GRIP2: variants seen among roughly 807,000 people sequenced by gnomAD.
GRIP2 encodes glutamate receptor interacting protein 2.
A neutral mutation model predicts 108.3 loss-of-function variants in GRIP2; 58 were observed. The ratio of observed to expected loss-of-function variants is 0.54; its 90% CI spans 0.43 to 0.67. The LOEUF is 0.67. GRIP2 is among the 30% of genes least tolerant of loss of function. The pLI is 0.00. For missense variants in GRIP2, 1,278 were observed against 1,430.6 expected (o/e 0.89, Z 1.72); for synonymous variants, 586 against 598.2 (o/e 0.98, Z 0.30).
chr3:14,600,372 C>T, the GRIP2 span, among the ~76,000 whole-genome samples: 1 of 152,322 alleles, frequency 6.6e-6, no homozygotes, highest in East Asian at 1.9e-4. Flanking sequence ...GGCTGCCCCT[C>T]CAACTTTACA....
In GRIP2 at chr3:14,507,377, TGCCCACTGTGTG is replaced by T. The variant is rs1693959425; in HGVS notation, c.2218+172_2218+183del. On this transcript the variant is annotated intron_variant, in intron 18 of 23. Transcript: ENST00000621039. The surrounding 1 kb of genome is among the most constrained non-coding windows in gnomAD (Gnocchi z 4.6). ...GGGCTCAGACCCAGATTCTGCCCCG[TGCCCACTGTGTG>T]GCCCTGGGCTCATCACTTCCCTCTC... is the stretch of plus-strand genomic sequence containing the variant. 6.6e-6 allele frequency among the ~76,000 whole-genome samples: 1 copy of T among 152,268 alleles called. No homozygotes were observed. The highest frequency in any genetic ancestry group is 2.1e-4 in the South Asian group (1 of 4,838).
chr3:14,549,532 G>T (rs1256263081), intron 1 of GRIP2, among the ~76,000 whole-genome samples: 3 of 152,228 alleles, frequency 2.0e-5, no homozygotes, highest in Admixed American at 6.5e-5. Context: ...TTCCTGGAGG[G>T]TTCCCCAACC....
In GRIP2 at chr3:14,514,527, C is replaced by G. The variant is rs1694195592; in HGVS notation, c.1307-49G>C. The G allele has an allele frequency of 3.4e-6, 5 of 1,481,958 alleles. No homozygotes were observed. The Admixed American group carries it at 9.1e-5, about 27-fold the overall frequency. 91.8% of individuals were successfully genotyped at this position (1,481,958 alleles called of 1,614,324 possible). A position where few individuals can be genotyped will look rare whatever the true frequency, so the allele number is the denominator to read the frequency against. Reference sequence around the variant, plus strand: ...TTCAGGTGAGCCGCCCCACGGAGGTCTTCCTGCCAGGGCCTGCCCATCCCG... The same window carrying G: ...TTCAGGTGAGCCGCCCCACGGAGGTGTTCCTGCCAGGGCCTGCCCATCCCG... On this transcript the variant is annotated intron_variant, in intron 11 of 23. Transcript: ENST00000621039.
intron 1 of GRIP2, among the ~76,000 whole-genome samples, chr3:14,533,897 G>A (rs1694770145): frequency 6.6e-6 from 1 of 152,198 alleles, no homozygotes; most frequent in Admixed American, 6.5e-5. Flanking sequence ...TTGACTGCGT[G>A]CTGCAAAACA....
Position 14,520,152 on chromosome 3 carries a change from G to A in GRIP2, c.988C>T (p.Pro330Ser). The A allele has an allele frequency of 6.2e-7, 1 of 1,610,302 alleles. No homozygotes were observed. Among genetic ancestry groups the A allele is most frequent in the East Asian group, 2.2e-5 (1 of 44,840 alleles). Residue 330 changes from proline (P) to serine (S), a missense_variant, in exon 9 of 24, where the codon CCT (proline) becomes TCT (serine). Coordinates refer to ENST00000621039, the MANE Select transcript of GRIP2 (RefSeq NM_001080423.4). ...AGTGGCCGCTGACTCTGGGGCACAGGCAGGATCTCCAGCCGCACCTTCTCT... is the reference window on the plus strand; with the variant it reads ...AGTGGCCGCTGACTCTGGGGCACAGACAGGATCTCCAGCCGCACCTTCTCT... ...ISEKVRLEIL[P>S]VPQSQRPLRP...
chr3:14,500,259 G>A (rs1487407925), intron 21 of GRIP2, among the ~76,000 whole-genome samples: 1 of 152,124 alleles, frequency 6.6e-6, no homozygotes, highest in Non-Finnish European at 1.5e-5. Context: ...GACATGGAGG[G>A]TAGAATGCAT....
chr3:14,525,471 C>T lies in GRIP2; in HGVS notation c.223G>A (p.Val75Ile), dbSNP rs376084275. Residue 75 changes from valine (V) to isoleucine (I), a missense_variant, in exon 3 of 24, where the codon GTC becomes ATC. Coordinates refer to ENST00000621039, the MANE Select transcript of GRIP2 (RefSeq NM_001080423.4). ...AGTCCCCCAGGTCTCAGGTTGGAGA[C>T]CCTGGGCTTTCCATCCTTGTCGGTG... ...GGTDKDGKPR[V>I]SNLRPGGLAA... 297 of 1,613,256 alleles carry T rather than the reference C, an allele frequency of 1.8e-4. No individual in the cohort carries two copies. Among genetic ancestry groups the T allele is most frequent in the Non-Finnish European group, 2.4e-4 (287 of 1,179,794 alleles).
At chr3:14,572,429 G>C in the GRIP2 span, among the ~76,000 whole-genome samples, 1 of 150,666 alleles carries the variant, frequency 6.6e-6, no homozygotes, top group African/African-American at 2.4e-5. Flanking sequence ...CGGCTAAAAC[G>C]GTGAAACCCC....
Position 14,523,674 on chromosome 3 carries a change from A to G in GRIP2, c.428T>C (p.Ile143Thr). ...PPAPENNPRI[I>T]SKTVDVSLYK... ...GAGGGAGACGTCCACTGTCTTTGAA[A>G]TGATCCTGGGGTTATTCTCAGGAGC... Residue 143 changes from isoleucine (I) to threonine (T), a missense_variant, in exon 5 of 24, where the codon ATT becomes ACT. By Grantham distance (89) the Ile-to-Thr change is moderately conservative (BLOSUM62 -1). Transcript: ENST00000621039. 1 of 1,611,902 alleles carries G rather than the reference A, an allele frequency of 6.2e-7. No homozygotes were observed. The highest frequency in any genetic ancestry group is 8.5e-7 in the Non-Finnish European group (1 of 1,179,098).
rs1472309966 is a variant in GRIP2 at position 14,511,796 on chromosome 3, T to C, written c.1721-317A>G. On this transcript the variant is annotated intron_variant, in intron 14 of 23. Coordinates refer to ENST00000621039, the MANE Select transcript of GRIP2 (RefSeq NM_001080423.4). The surrounding 1 kb of genome is among the most constrained non-coding windows in gnomAD (Gnocchi z 4.1). ...CTGCTCAGCCCATCCCCCAGCAAAC[T>C]GCGAGCTCTTTGTGGAGGGGGGCTG... Among the ~76,000 whole-genome samples, 1 of 152,134 alleles carries C rather than the reference T, an allele frequency of 6.6e-6. No individual in the cohort carries two copies. Among genetic ancestry groups the C allele is most frequent in the Non-Finnish European group, 1.5e-5 (1 of 68,036 alleles).
At chr3:14,563,624 A>C in the GRIP2 span, among the ~76,000 whole-genome samples, 14 of 152,120 alleles carry the variant, frequency 9.2e-5, no homozygotes, top group African/African-American at 3.4e-4. Flanking sequence ...TGGCTGCTAG[A>C]GGGAGAAGGC....
chr3:14,566,605 T>G, the GRIP2 span, among the ~76,000 whole-genome samples: 4 of 152,322 alleles, frequency 2.6e-5, no homozygotes, highest in African/African-American at 9.6e-5. Flanking sequence ...TCAACATCAT[T>G]GGACCTCAGA....
chr3:14,572,844 C>A, the GRIP2 span: 2 of 1,102,632 alleles, frequency 1.8e-6, no homozygotes, highest in Non-Finnish European at 2.7e-6. Context: ...GAGCCCGCAG[C>A]CAGCTCGGTG....
In GRIP2 at chr3:14,493,563, A is replaced by T; in HGVS notation, c.*102T>A. The T allele has an allele frequency of 7.5e-7, 1 of 1,326,566 alleles. No homozygotes were observed. The highest frequency in any genetic ancestry group is 1.0e-6 in the Non-Finnish European group (1 of 985,562). The allele number at this position is 1,326,566 out of a possible 1,614,324, so 82.2% of individuals were successfully genotyped here. On this transcript the variant is annotated 3_prime_UTR_variant, in exon 24 of 24. Transcript: ENST00000621039. ...TCCCAGGCTCAGAGTCTGCCAGACC[A>T]ACAGATGAATGAGTGGGTGGCCGCT...
chr3:14,517,364 C>T (rs1357803525), intron 10 of GRIP2, among the ~76,000 whole-genome samples, 151 bp from the exon 11 acceptor site: 2 of 151,376 alleles, frequency 1.3e-5, no homozygotes, highest in Non-Finnish European at 1.5e-5. Flanking sequence ...TCAGGCAAGT[C>T]CCTTTCCTCT....
chr3:14,574,562 TG>T, the GRIP2 span: 1 of 737,326 alleles, frequency 1.4e-6, no homozygotes, highest in South Asian at 1.4e-5. Flanking sequence ...CTGCCTCTGA[TG>T]GGGACTCAAA....
intron 1 of GRIP2, among the ~76,000 whole-genome samples, chr3:14,530,048 T>C (rs1349501035): frequency 6.6e-6 from 1 of 152,232 alleles, no homozygotes; most frequent in African/African-American, 2.4e-5. Context: ...GGAGGTATTA[T>C]AAATTCTAAT....
At chr3:14,585,024 T>C in the GRIP2 span, among the ~76,000 whole-genome samples, 1 of 152,170 alleles carries the variant, frequency 6.6e-6, no homozygotes, top group East Asian at 1.9e-4. Flanking sequence ...TATGGAGTTG[T>C]TTTTTGTTGT....
At chr3:14,583,246 G>C in the GRIP2 span, among the ~76,000 whole-genome samples, 1 of 152,164 alleles carries the variant, frequency 6.6e-6, no homozygotes, top group Non-Finnish European at 1.5e-5. Context: ...TGTAGTTGGG[G>C]GGATTTTGGG....
Sources: gnomAD v4.1 joint callset for allele counts (sites outside exome capture counted in the v4.1 genomes callset) on GRCh38, gnomAD v4.1.1 for gene constraint, Gnocchi (gnomAD v3.1) non-coding constraint, MANE v1.5 for transcripts, NCBI Gene and HGNC (gene_info 2026-07-23, HGNC 2026-07-21) for gene names.